SMARCA2: variants seen among roughly 807,000 people sequenced by gnomAD.
The protein encoded by SMARCA2 is SWI/SNF related BAF chromatin remodeling complex subunit ATPase 2, also known as SWI/SNF-related matrix-associated actin-dependent regulator of chromatin subfamily A member 2.
SMARCA2 carries 61 observed loss-of-function variants against 199.8 expected under a neutral mutation model. The ratio of observed to expected loss-of-function variants is 0.31; its 90% CI spans 0.25 to 0.38. SMARCA2 has a LOEUF of 0.38. SMARCA2 is among the 10% of genes least tolerant of loss of function. The pLI, the probability that SMARCA2 is intolerant of heterozygous loss-of-function variation, is 1.00. For synonymous variants in SMARCA2, 935 were observed against 732.0 expected (o/e 1.28, Z -4.48); for missense variants, 1,344 against 2,012.2 (o/e 0.67, Z 6.35).
At position 2,178,554 on chromosome 9, in the gene SMARCA2, TAAAAAG is replaced by T; in HGVS notation, c.4254-3016_4254-3011del. Among the ~76,000 whole-genome samples the T allele has an allele frequency of 2.0e-5, 3 of 152,226 alleles. 1 individual carries two copies. In the Middle Eastern group the frequency reaches 0.01, roughly 518 times the overall value. On this transcript the variant is annotated intron_variant, in intron 29 of 33. Transcript: ENST00000349721. ...TACAATTAGACTATTGTTCTGTACT[TAAAAAG>T]GAAAAAAGCAACTTTCTGGCCGGGG...
In SMARCA2 at chr9:2,062,151, C is replaced by G. The variant is rs192991801; in HGVS notation, c.1692+1165C>G. On this transcript the variant is annotated intron_variant, in intron 9 of 33. Coordinates refer to ENST00000349721, the MANE Select transcript of SMARCA2 (RefSeq NM_003070.5). ...ATAAATCATATAAATGTAGTTATTA[C>G]CACTGAACTGTAGACTTAAGAATGG... 1.7e-3 allele frequency among the ~76,000 whole-genome samples: 265 copies of G among 152,146 alleles called. 2 individuals carry two copies. The highest frequency in any genetic ancestry group is 6.2e-3 in the African/African-American group (259 of 41,498).
At chr9:2,098,180 A>G (rs1822355286) in intron 21 of SMARCA2, among the ~76,000 whole-genome samples, 1 of 152,194 alleles carries the variant, frequency 6.6e-6, no homozygotes, top group Non-Finnish European at 1.5e-5. Flanking sequence ...GCTGAGGCAA[A>G]TGGTCCTGGT....
intron 27 of SMARCA2, among the ~76,000 whole-genome samples, chr9:2,149,172 A>G (rs113232205): frequency 0.023 from 3,481 of 151,444 alleles, 169 homozygotes; most frequent in African/African-American, 0.081. Context: ...GGCAGGAGGC[A>G]AAAGGCACTT....
chr9:2,076,834 C>T (rs1821347304), intron 13 of SMARCA2, among the ~76,000 whole-genome samples: 1 of 152,110 alleles, frequency 6.6e-6, no homozygotes, highest in South Asian at 2.1e-4. Context: ...CCTCCGAGTG[C>T]CCTGGCTCTG....
At chr9:2,149,086 C>T (rs141759628) in intron 27 of SMARCA2, among the ~76,000 whole-genome samples, 1,699 of 151,228 alleles carry the variant, frequency 0.011, 75 homozygotes, top group Middle Eastern at 0.02. Flanking sequence ...CTGATAAAGA[C>T]ATACCTGAGA....
At chr9:2,019,030 TC>T in intron 1 of SMARCA2, among the ~76,000 whole-genome samples, 1 of 152,324 alleles carries the variant, frequency 6.6e-6, no homozygotes, top group African/African-American at 2.4e-5. Flanking sequence ...GGACTTTCTT[TC>T]TTTTTTTCCT....
chr9:2,088,928 G>C (rs1821928193), intron 19 of SMARCA2, among the ~76,000 whole-genome samples: 1 of 140,634 alleles, frequency 7.1e-6, no homozygotes, highest in African/African-American at 2.8e-5. Context: ...ACTGTTGCAG[G>C]CACTGTAGAA....
At chr9:2,078,850 C>T (rs1315507791) in intron 14 of SMARCA2, among the ~76,000 whole-genome samples, 3 of 151,952 alleles carry the variant, frequency 2.0e-5, no homozygotes, top group East Asian at 1.9e-4. Context: ...GAAGCTGAGG[C>T]GGGAGAATGG....
At chr9:2,152,463 A>G (rs1825126918) in intron 27 of SMARCA2, among the ~76,000 whole-genome samples, 1 of 152,076 alleles carries the variant, frequency 6.6e-6, no homozygotes, top group African/African-American at 2.4e-5. Flanking sequence ...GGAAGGCTGA[A>G]GCAGAATTGA....
At chr9:2,071,008 G>A in intron 10 of SMARCA2, among the ~76,000 whole-genome samples, 1 of 152,144 alleles carries the variant, frequency 6.6e-6, no homozygotes, top group East Asian at 1.9e-4. Context: ...GAATTATGAG[G>A]ATACAATTAA....
At position 2,123,241 on chromosome 9, in the gene SMARCA2, C is replaced by A. The variant is rs777364366; in HGVS notation, c.3763-478C>A. Among the ~76,000 whole-genome samples the A allele has an allele frequency of 3.4e-5, 5 of 148,368 alleles. No individual in the cohort carries two copies. The highest frequency in any genetic ancestry group is 6.0e-5 in the Non-Finnish European group (4 of 66,730). On this transcript the variant is annotated intron_variant, in intron 26 of 33. Coordinates refer to ENST00000349721, the MANE Select transcript of SMARCA2 (RefSeq NM_003070.5). This position sits in a 1 kb window ranked among gnomAD's most constrained non-coding sequence, Gnocchi z 4.1. ...TTCTGTACTGATACCTTGGGTCCCCCTTTTTTTTTTATTGCTGATTGTTTA... is the reference window on the plus strand; with the variant it reads ...TTCTGTACTGATACCTTGGGTCCCCATTTTTTTTTTATTGCTGATTGTTTA...
intron 27 of SMARCA2, among the ~76,000 whole-genome samples, chr9:2,154,606 C>T (rs779851445): frequency 6.6e-6 from 1 of 152,150 alleles, no homozygotes; most frequent in African/African-American, 2.4e-5. Flanking sequence ...GATTGTGGCT[C>T]AGTTCCTCAT....
chr9:2,046,816 C>T (rs550126666), intron 4 of SMARCA2, among the ~76,000 whole-genome samples: 1 of 152,186 alleles, frequency 6.6e-6, no homozygotes, highest in Non-Finnish European at 1.5e-5. Context: ...ACTCTCAATG[C>T]ACCTGTAATT....
At chr9:2,168,964 T>G (rs1826084902) in intron 28 of SMARCA2, among the ~76,000 whole-genome samples, 1 of 151,952 alleles carries the variant, frequency 6.6e-6, no homozygotes, top group Non-Finnish European at 1.5e-5. Flanking sequence ...GCACTTGTTG[T>G]TTTCAGGTTT....
rs534619400 is a variant in SMARCA2, at chr9:2,169,566, C to G, written c.4200-853C>G. Among the ~76,000 whole-genome samples, 1 of 152,272 alleles carries G rather than the reference C, an allele frequency of 6.6e-6. No homozygotes were observed. Among genetic ancestry groups the G allele is most frequent in the South Asian group, 2.1e-4 (1 of 4,816 alleles). ...CTTTTCCCTCTCTGCAACACCCCGA[C>G]CCCACACTGACTCTAGAGCAGAATG... is the stretch of plus-strand genomic sequence containing the variant. On this transcript the variant is annotated intron_variant, in intron 28 of 33. Coordinates refer to ENST00000349721, the MANE Select transcript of SMARCA2 (RefSeq NM_003070.5). The surrounding 1 kb of genome is among the most constrained non-coding windows in gnomAD (Gnocchi z 6.5).
At chr9:2,122,736 G>A (rs1419458332) in intron 26 of SMARCA2, among the ~76,000 whole-genome samples, 1 of 152,186 alleles carries the variant, frequency 6.6e-6, no homozygotes, top group African/African-American at 2.4e-5. Context: ...CCCAATTTCA[G>A]TATGGTAGAA....
Position 2,181,563 on chromosome 9 carries a change from T to A in SMARCA2, c.4254-8T>A. 1 of 1,446,998 alleles carries A rather than the reference T, an allele frequency of 6.9e-7. No individual in the cohort carries two copies. The highest frequency in any genetic ancestry group is 9.7e-7 in the Non-Finnish European group (1 of 1,027,930). The allele number at this position is 1,446,998 out of a possible 1,614,324, so 89.6% of individuals were successfully genotyped here. A position where few individuals can be genotyped will look rare whatever the true frequency, so the allele number is the denominator to read the frequency against. On this transcript the variant is annotated splice_polypyrimidine_tract_variant and splice_region_variant and intron_variant, in intron 29 of 33. Transcript: ENST00000349721. ...GGCTTGTTTTTGTTTGTTTCACCCA[T>A]CCTACAGTTCAGGGCGACAGCTCAG...
intron 27 of SMARCA2, among the ~76,000 whole-genome samples, chr9:2,141,869 G>C (rs1382851963): frequency 6.6e-6 from 1 of 152,130 alleles, no homozygotes; most frequent in African/African-American, 2.4e-5. Context: ...GTGAATTCTG[G>C]CCTCTTCTTG....
intron 28 of SMARCA2, among the ~76,000 whole-genome samples, chr9:2,168,917 G>A (rs755302239): frequency 1.3e-5 from 2 of 152,124 alleles, no homozygotes; most frequent in Admixed American, 6.5e-5. Context: ...GCTTCTCTGA[G>A]TTAGTTACAA....
Sources: allele counts gnomAD v4.1 joint callset (sites outside exome capture counted in the v4.1 genomes callset), GRCh38; gene constraint gnomAD v4.1.1; non-coding constraint Gnocchi (gnomAD v3.1); transcripts MANE v1.5; gene names NCBI Gene and HGNC (gene_info 2026-07-23, HGNC 2026-07-21).